SLC20A2: variants seen among roughly 807,000 people sequenced by gnomAD.
The protein encoded by SLC20A2 is solute carrier family 20 member 2.
In SLC20A2, 30 loss-of-function variants were observed where a neutral mutation model predicts 61.0. The ratio of observed to expected loss-of-function variants is 0.49; its 90% CI spans 0.37 to 0.67. The LOEUF (loss-of-function observed/expected upper bound fraction) is 0.67, where lower values mean the gene tolerates loss of function less well. Ranked by LOEUF, SLC20A2 falls within the 30% of genes least tolerant of loss-of-function variation. The probability of loss-of-function intolerance (pLI) is 0.00; values close to 1 mark genes in which losing one functional copy is unlikely to be tolerated. For missense variants in SLC20A2, 626 were observed against 866.4 expected (o/e 0.72, Z 3.48); for synonymous variants, 351 against 353.3 (o/e 0.99, Z 0.07).
At chr8:42,442,565 T>C (rs1804865888) in intron 6 of SLC20A2, among the ~76,000 whole-genome samples, 1 of 152,228 alleles carries the variant, frequency 6.6e-6, no homozygotes. Flanking sequence ...CATTAATCTA[T>C]GTGTCTCTCT....
intron 1 of SLC20A2, among the ~76,000 whole-genome samples, chr8:42,476,589 G>A (rs1213396816): frequency 3.3e-5 from 5 of 152,150 alleles, no homozygotes; most frequent in Admixed American, 3.3e-4. Flanking sequence ...GCTTGGGGAC[G>A]TTGTTAATCA....
intron 1 of SLC20A2, among the ~76,000 whole-genome samples, chr8:42,488,103 T>C (rs1030982979): frequency 6.6e-6 from 1 of 151,920 alleles, no homozygotes; most frequent in Non-Finnish European, 1.5e-5. Context: ...CTTGTAGGTG[T>C]AGACCACACT....
chr8:42,476,070 C>T (rs1283354340), intron 1 of SLC20A2, among the ~76,000 whole-genome samples: 2 of 146,258 alleles, frequency 1.4e-5, no homozygotes, highest in African/African-American at 5.0e-5. Flanking sequence ...GTGAAGTAGC[C>T]GGGTTTACTG....
At chr8:42,490,812 AG>A (rs1441830114) in intron 1 of SLC20A2, among the ~76,000 whole-genome samples, 1 of 152,190 alleles carries the variant, frequency 6.6e-6, no homozygotes, top group Non-Finnish European at 1.5e-5. Context: ...ACAGCAGCTG[AG>A]GCAGAAAGTC....
At chr8:42,481,900 C>T (rs1031216788) in intron 1 of SLC20A2, among the ~76,000 whole-genome samples, 5 of 152,218 alleles carry the variant, frequency 3.3e-5, no homozygotes, top group Admixed American at 1.3e-4. Flanking sequence ...CCGCATTCTT[C>T]TCATTTCCAC....
chr8:42,511,410 C>T (rs1007414583), intron 1 of SLC20A2, among the ~76,000 whole-genome samples: 37 of 152,144 alleles, frequency 2.4e-4, no homozygotes, highest in Non-Finnish European at 4.6e-4. Flanking sequence ...AGGCGGATCA[C>T]GAGGTCAGAA....
At chr8:42,515,000 T>C (rs1811246998) in intron 1 of SLC20A2, among the ~76,000 whole-genome samples, 1 of 152,146 alleles carries the variant, frequency 6.6e-6, no homozygotes, top group African/African-American at 2.4e-5. Flanking sequence ...GTGAGAAGTA[T>C]AAACAATAAA....
intron 1 of SLC20A2, among the ~76,000 whole-genome samples, chr8:42,473,739 T>C (rs1262376563): frequency 6.6e-6 from 1 of 152,230 alleles, no homozygotes; most frequent in Non-Finnish European, 1.5e-5. Flanking sequence ...GTATCAAGCA[T>C]ATAAATGCTT....
chr8:42,486,140 CTGTGTGTG>C (rs59925363), intron 1 of SLC20A2, among the ~76,000 whole-genome samples: 13,035 of 149,004 alleles, frequency 0.087, 1,605 homozygotes, highest in African/African-American at 0.28. Context: ...AGCTCTCTCA[CTGTGTGTG>C]TGTGTGTGTG....
intron 3 of SLC20A2, among the ~76,000 whole-genome samples, chr8:42,463,631 C>T (rs947793442): frequency 6.6e-6 from 1 of 152,144 alleles, no homozygotes; most frequent in African/African-American, 2.4e-5. Context: ...ACTCGTTTGG[C>T]CCTGGCTGGA....
At chr8:42,492,246 C>T (rs4433134) in intron 1 of SLC20A2, among the ~76,000 whole-genome samples, 52,226 of 151,924 alleles carry the variant, frequency 0.34, 9,204 homozygotes, top group East Asian at 0.39. Context: ...ATCCCAGCTA[C>T]GCAGGAGGCT....
At chr8:42,465,396 T>C (rs1284740210) in intron 3 of SLC20A2, among the ~76,000 whole-genome samples, 1 of 151,722 alleles carries the variant, frequency 6.6e-6, no homozygotes, top group Non-Finnish European at 1.5e-5. Flanking sequence ...AAGAAAAAGA[T>C]ATAAAATTAA....
intron 1 of SLC20A2, among the ~76,000 whole-genome samples, chr8:42,475,813 A>G (rs1169581242): frequency 2.7e-5 from 4 of 148,032 alleles, no homozygotes; most frequent in Non-Finnish European, 4.5e-5. Flanking sequence ...TAGGCATGAG[A>G]TGAGGCATCC....
At chr8:42,435,571 TC>T (rs983635603) in intron 8 of SLC20A2, among the ~76,000 whole-genome samples, 1 of 151,976 alleles carries the variant, frequency 6.6e-6, no homozygotes, top group African/African-American at 2.4e-5. Context: ...AACTTGGGGC[TC>T]TCAGGCCCCA....
chr8:42,475,689 G>C (rs1808027051), intron 1 of SLC20A2, among the ~76,000 whole-genome samples: 1 of 151,958 alleles, frequency 6.6e-6, no homozygotes, highest in African/African-American at 2.4e-5. Context: ...GGGATTACAG[G>C]CGTGAGCCAC....
intron 8 of SLC20A2, among the ~76,000 whole-genome samples, chr8:42,431,350 T>C (rs1360890655): frequency 6.6e-6 from 1 of 152,202 alleles, no homozygotes; most frequent in African/African-American, 2.4e-5. Context: ...AGTCAAAGCC[T>C]AATCCAGAGC....
At chr8:42,539,803 T>A (rs1445325997) in intron 1 of SLC20A2, among the ~76,000 whole-genome samples, 1 of 152,216 alleles carries the variant, frequency 6.6e-6, no homozygotes, top group East Asian at 1.9e-4. Context: ...TGGGTGACAA[T>A]GTTATATAAT....
chr8:42,516,050 AG>A (rs1415891501), intron 1 of SLC20A2, among the ~76,000 whole-genome samples: 3 of 152,230 alleles, frequency 2.0e-5, no homozygotes, highest in African/African-American at 7.2e-5. Flanking sequence ...TAGCGAGGGC[AG>A]GAAGTGATGA....
intron 1 of SLC20A2, among the ~76,000 whole-genome samples, chr8:42,525,274 G>C (rs1170123933): frequency 1.3e-5 from 2 of 152,078 alleles, no homozygotes; most frequent in African/African-American, 2.4e-5. Context: ...ATTATTAAGA[G>C]TCACATATCA....
Sources: allele counts gnomAD v4.1 joint callset (sites outside exome capture counted in the v4.1 genomes callset), GRCh38; gene constraint gnomAD v4.1.1; transcripts MANE v1.5; gene names NCBI Gene and HGNC (gene_info 2026-07-23, HGNC 2026-07-21).